LDAH: variants seen among roughly 807,000 people sequenced by gnomAD.
LDAH encodes lipid droplet associated hydrolase, also known as lipid droplet-associated hydrolase.
In LDAH, 26 loss-of-function variants were observed where a neutral mutation model predicts 29.6. The observed-to-expected ratio is 0.88, with a 90% CI of 0.64 to 1.22. The LOEUF is 1.22. Among genes scored for constraint, LDAH ranks in the 50% most tolerant of loss-of-function variants. LDAH has a pLI of 0.00. For missense variants in LDAH, 344 were observed against 387.3 expected (o/e 0.89, Z 0.94); for synonymous variants, 117 against 133.0 (o/e 0.88, Z 0.83).
At chr2:20,736,501 G>A (rs567533234) in intron 5 of LDAH, among the ~76,000 whole-genome samples, 74 of 152,054 alleles carry the variant, frequency 4.9e-4, no homozygotes, top group African/African-American at 1.6e-3. Context: ...ATACACTGCT[G>A]CAAAATGACT....
intron 6 of LDAH, among the ~76,000 whole-genome samples, chr2:20,696,382 C>T (rs1263072995): frequency 6.6e-6 from 1 of 152,214 alleles, no homozygotes; most frequent in African/African-American, 2.4e-5. Flanking sequence ...TCCCAAGCCA[C>T]ACTGTAGCCC....
intron 4 of LDAH, among the ~76,000 whole-genome samples, chr2:20,772,025 T>C (rs539019053): frequency 6.6e-6 from 1 of 152,328 alleles, no homozygotes; most frequent in East Asian, 1.9e-4. Flanking sequence ...GTTATGATGC[T>C]GAAAAAGCTA....
chr2:20,798,937 C>T (rs572482381), intron 2 of LDAH, among the ~76,000 whole-genome samples: 8 of 151,964 alleles, frequency 5.3e-5, no homozygotes, highest in South Asian at 2.1e-4. Flanking sequence ...CATTTAGAAA[C>T]GAGTAAAGGC....
At chr2:20,787,301 CT>C (rs545897032) in intron 3 of LDAH, among the ~76,000 whole-genome samples, 31 of 150,564 alleles carry the variant, frequency 2.1e-4, no homozygotes, top group African/African-American at 7.1e-4. Flanking sequence ...TTCTTTTTTT[CT>C]TTCTTTTTTG....
At chr2:20,732,875 A>G (rs1165425341) in intron 5 of LDAH, among the ~76,000 whole-genome samples, 2 of 149,082 alleles carry the variant, frequency 1.3e-5, no homozygotes, top group Non-Finnish European at 3.0e-5. Context: ...TTTGTTTTCA[A>G]TTTTTTTTGT....
At chr2:20,784,405 T>A (rs571746055) in intron 3 of LDAH, among the ~76,000 whole-genome samples, 73 of 152,216 alleles carry the variant, frequency 4.8e-4, no homozygotes, top group African/African-American at 1.7e-3. Context: ...AGACTGTATC[T>A]CTAAATAAAT....
chr2:20,771,327 T>C (rs1669398088), intron 4 of LDAH, among the ~76,000 whole-genome samples: 1 of 152,220 alleles, frequency 6.6e-6, no homozygotes, highest in Non-Finnish European at 1.5e-5. Flanking sequence ...ACATATGTCC[T>C]CAAAATCTTA....
intron 3 of LDAH, among the ~76,000 whole-genome samples, chr2:20,779,021 T>C (rs183614554): frequency 1.3e-4 from 20 of 152,190 alleles, no homozygotes; most frequent in Middle Eastern, 3.4e-3. Context: ...TCTCTGACCA[T>C]GGAACAGACA....
intron 5 of LDAH, among the ~76,000 whole-genome samples, chr2:20,726,187 G>C (rs190800624): frequency 1.3e-5 from 2 of 152,338 alleles, no homozygotes; most frequent in African/African-American, 2.4e-5. Context: ...GTACTTGAGT[G>C]GGGGAGAAAG....
At chr2:20,751,894 T>C (rs1345346995) in intron 4 of LDAH, among the ~76,000 whole-genome samples, 1 of 152,082 alleles carries the variant, frequency 6.6e-6, no homozygotes, top group Non-Finnish European at 1.5e-5. Context: ...ATTTTTAAAT[T>C]TATTTAGTTT....
intron 1 of LDAH, among the ~76,000 whole-genome samples, chr2:20,803,450 C>T (rs1330606305): frequency 3.3e-5 from 5 of 152,184 alleles, no homozygotes; most frequent in African/African-American, 1.2e-4. Flanking sequence ...TACTGTCCTG[C>T]CCCAAGCTGT....
chr2:20,736,635 A>G (rs909034173), intron 5 of LDAH, among the ~76,000 whole-genome samples: 9 of 152,138 alleles, frequency 5.9e-5, no homozygotes, highest in Admixed American at 1.3e-4. Context: ...TCCCTTTTTA[A>G]AGGGAAATTG....
In LDAH at chr2:20,740,051, AAGG is replaced by A; in HGVS notation, c.620_622del (p.Ser207del). The A allele has an allele frequency of 6.2e-7, 1 of 1,614,156 alleles. No individual in the cohort carries two copies. Among genetic ancestry groups the A allele is most frequent in the Non-Finnish European group, 8.5e-7 (1 of 1,180,004 alleles). ...TACTTGAAGGCCCCTTCTGATTAGC[AAGG>A]ACTTGATTGTCTCAGGACACGGTTT... On this transcript the variant is annotated inframe_deletion, in exon 5 of 7. Transcript: ENST00000237822.
intron 4 of LDAH, among the ~76,000 whole-genome samples, chr2:20,756,254 C>T (rs1321045766): frequency 1.3e-5 from 2 of 151,998 alleles, no homozygotes; most frequent in Admixed American, 6.6e-5. Context: ...AGGCTGGTCT[C>T]GAACTCCTGA....
intron 5 of LDAH, among the ~76,000 whole-genome samples, chr2:20,711,587 G>A (rs1237115915): frequency 2.0e-5 from 3 of 152,150 alleles, no homozygotes; most frequent in Non-Finnish European, 2.9e-5. Flanking sequence ...GCGGGGCATC[G>A]CCTCACCCCA....
chr2:20,816,924 C>G (rs190238667), intron 1 of LDAH, among the ~76,000 whole-genome samples: 1 of 152,066 alleles, frequency 6.6e-6, no homozygotes, highest in Non-Finnish European at 1.5e-5. Flanking sequence ...ACAGGTAAAT[C>G]ACCAAACACT....
rs1053070888 is a variant in LDAH at position 20,740,227 on chromosome 2, T to C, written c.469-22A>G. ...TTACCTGCAATAAAGAAGCATACTT[T>C]GATGAGAGGTTTTCTTAAAGGATAG... On this transcript the variant is annotated intron_variant, in intron 4 of 6. Coordinates refer to ENST00000237822, the MANE Select transcript of LDAH (RefSeq NM_021925.4). 7 of 1,516,344 alleles carry C rather than the reference T, an allele frequency of 4.6e-6. No homozygotes were observed. In the African/African-American group the frequency reaches 8.2e-5, roughly 18 times the overall value. 93.9% of individuals were successfully genotyped at this position (1,516,344 alleles called of 1,614,324 possible). A position where few individuals can be genotyped will look rare whatever the true frequency, so the allele number is the denominator to read the frequency against.
In LDAH at chr2:20,715,065, CAG is replaced by C. The variant is rs529244285; in HGVS notation, c.704-13415_704-13414del. On this transcript the variant is annotated intron_variant, in intron 5 of 6. Transcript: ENST00000237822. ...ACATCATCCTGATACCAAAGCCTGG[CAG>C]AGACACAACAAAAAAAGAATTTTAG... Among the ~76,000 whole-genome samples the C allele has an allele frequency of 3.9e-3, 589 of 152,282 alleles. 6 individuals carry two copies. Among genetic ancestry groups the C allele is most frequent in the African/African-American group, 0.013 (560 of 41,554 alleles).
chr2:20,821,224 T>C (rs1235420957), intron 1 of LDAH, among the ~76,000 whole-genome samples: 1 of 152,194 alleles, frequency 6.6e-6, no homozygotes, highest in Non-Finnish European at 1.5e-5. Flanking sequence ...CTCAGGGATC[T>C]AGAACTAGAA....
Sources: gnomAD v4.1 joint callset for allele counts (sites outside exome capture counted in the v4.1 genomes callset) on GRCh38, gnomAD v4.1.1 for gene constraint, MANE v1.5 for transcripts, NCBI Gene and HGNC (gene_info 2026-07-23, HGNC 2026-07-21) for gene names.